The following DOCK11 variants were observed in gnomAD, a reference collection of about 807,000 sequenced individuals.
The protein encoded by DOCK11 is dedicator of cytokinesis 11, also known as dedicator of cytokinesis protein 11.
DOCK11 carries 70 observed loss-of-function variants against 169.1 expected under a neutral mutation model. The ratio of observed to expected loss-of-function variants is 0.41; its 90% CI spans 0.34 to 0.51. DOCK11 has a LOEUF of 0.51. Ranked by LOEUF, DOCK11 falls within the 20% of genes least tolerant of loss-of-function variation. The pLI, the probability that DOCK11 is intolerant of heterozygous loss-of-function variation, is 0.10. For synonymous variants in DOCK11, 529 were observed against 541.3 expected, an observed-to-expected ratio of 0.98 and a Z score of 0.32; for missense variants, 1,166 against 1,538.8, an observed-to-expected ratio of 0.76 and a Z score of 4.05.
chrX:118,635,214 TC>T (rs2015357438), intron 35 of DOCK11, among the ~76,000 whole-genome samples: 1 of 111,993 alleles, frequency 8.9e-6, no homozygotes, highest in Non-Finnish European at 1.9e-5. Context: ...TGTCTTGTCT[TC>T]CATCTTTATC....
chrX:118,619,290 A>G (rs1412500168), intron 31 of DOCK11, among the ~76,000 whole-genome samples: 2 of 105,479 alleles, frequency 1.9e-5, no homozygotes, highest in Non-Finnish European at 3.9e-5. Context: ...CCTGGGCAAC[A>G]TGGTGAAACC....
chrX:118,635,211 T>C (rs1023748045), intron 35 of DOCK11, among the ~76,000 whole-genome samples: 8 of 112,101 alleles, frequency 7.1e-5, no homozygotes, highest in Non-Finnish European at 1.3e-4. Context: ...CATTGTCTTG[T>C]CTTCCATCTT....
chrX:118,632,175 G>T lies in DOCK11; in HGVS notation c.3886+1685G>T, dbSNP rs966405976. On this transcript the variant is annotated intron_variant, in intron 35 of 52. Coordinates refer to ENST00000276202, the MANE Select transcript of DOCK11 (RefSeq NM_144658.4). ...TCACGGTGTTAGCCAGGATGGTCTCGATCTCCTGACCTCGTGATCCGCCCA... is the reference window on the plus strand; with the variant it reads ...TCACGGTGTTAGCCAGGATGGTCTCTATCTCCTGACCTCGTGATCCGCCCA... Among the ~76,000 whole-genome samples the T allele has an allele frequency of 4.5e-5, 5 of 111,017 alleles. No homozygotes were observed. The South Asian group carries it at 1.5e-3, about 34-fold the overall frequency.
At chrX:118,584,618 C>T (rs767512069) in intron 14 of DOCK11, 117 bp from the exon 15 acceptor site, 119 of 648,004 alleles carry the variant, frequency 1.8e-4, no homozygotes, top group Non-Finnish European at 2.6e-4. Flanking sequence ...AATGAGAAAC[C>T]GCCAAACTGT....
At chrX:118,635,529 A>G (rs2015365031) in intron 35 of DOCK11, among the ~76,000 whole-genome samples, 1 of 112,508 alleles carries the variant, frequency 8.9e-6, no homozygotes, top group Non-Finnish European at 1.9e-5. Context: ...TTATAATGCA[A>G]AGGCAGAGAG....
At chrX:118,579,288 T>C (rs1241286555) in intron 13 of DOCK11, among the ~76,000 whole-genome samples, 2 of 111,898 alleles carry the variant, frequency 1.8e-5, no homozygotes, top group Admixed American at 9.5e-5. Flanking sequence ...ATTGTGAAAT[T>C]GTGAAATTCA....
rs947672259 is a variant in DOCK11, at chrX:118,638,264, A to G, written c.4001+137A>G. 2.1e-5 allele frequency: 12 copies of G among 559,322 alleles called. No individual in the cohort carries two copies. In the East Asian group the frequency reaches 3.2e-4, roughly 15 times the overall value. 46.1% of individuals were successfully genotyped at this position (559,322 alleles called of 1,213,427 possible). A position where few individuals can be genotyped will look rare whatever the true frequency, so the allele number is the denominator to read the frequency against. ...CCGGTGATTTAGTTAACATGTCCCA[A>G]TTGAAAGTTTAAACGAATGGGAACT... is the stretch of plus-strand genomic sequence containing the variant. On this transcript the variant is annotated intron_variant, in intron 37 of 52. Transcript: ENST00000276202.
intron 22 of DOCK11, 63 bp downstream of exon 22, chrX:118,598,179 C>T: frequency 3.6e-6 from 3 of 836,928 alleles, no homozygotes; most frequent in African/African-American, 2.0e-5. Flanking sequence ...TAAAATAGAC[C>T]ACATTTGATT....
intron 35 of DOCK11, among the ~76,000 whole-genome samples, chrX:118,631,164 A>G (rs2015231359): frequency 9.1e-6 from 1 of 109,862 alleles, no homozygotes; most frequent in African/African-American, 3.3e-5. Flanking sequence ...TCCTTTTCGC[A>G]ATACTTTTGC....
In DOCK11 at chrX:118,545,271, CTT is replaced by C. The variant is rs55694052; in HGVS notation, c.393-42_393-41del. 4.8e-3 allele frequency: 3,425 copies of C among 708,576 alleles called. 1 individual carries two copies. The highest frequency in any genetic ancestry group is 5.3e-3 in the Non-Finnish European group (2,707 of 509,047). The allele number at this position is 708,576 out of a possible 1,213,427, so 58.4% of individuals were successfully genotyped here. On this transcript the variant is annotated intron_variant, in intron 4 of 52. Transcript: ENST00000276202. ...ATTGTTGTGTTTTTGTGTTGTTTTT[CTT>C]TTTTTTTTTGGTCTTTTTAGTGTCT...
intron 45 of DOCK11, among the ~76,000 whole-genome samples, chrX:118,669,298 G>A (rs2016411297): frequency 8.9e-6 from 1 of 112,066 alleles, no homozygotes; most frequent in Non-Finnish European, 1.9e-5. Flanking sequence ...ACTCATTAGA[G>A]AATGAGTAAA....
At chrX:118,514,240 C>A (rs1380233840) in intron 1 of DOCK11, among the ~76,000 whole-genome samples, 4 of 109,937 alleles carry the variant, frequency 3.6e-5, no homozygotes, top group South Asian at 3.9e-4. Flanking sequence ...AGGCCCCCCC[C>A]ATCAATGCTG....
At chrX:118,621,982 C>G (rs1397521560) in intron 31 of DOCK11, among the ~76,000 whole-genome samples, 2 of 111,520 alleles carry the variant, frequency 1.8e-5, no homozygotes, top group Admixed American at 1.9e-4. Flanking sequence ...CTTTTCAGAA[C>G]AAGAATGTTC....
chrX:118,643,335 T>A, intron 39 of DOCK11, 122 bp from the exon 40 acceptor site: 1 of 705,895 alleles, frequency 1.4e-6, no homozygotes. Context: ...TATTTTGAAA[T>A]TATATGCAAG....
chrX:118,679,631 C>T (rs12832998), intron 48 of DOCK11, among the ~76,000 whole-genome samples: 14,780 of 110,164 alleles, frequency 0.13, 836 homozygotes, highest in Admixed American at 0.25. Flanking sequence ...CCCAGCTACA[C>T]GGGAAGCTGA....
chrX:118,671,610 T>C (rs2016473748), intron 46 of DOCK11, among the ~76,000 whole-genome samples: 1 of 112,315 alleles, frequency 8.9e-6, no homozygotes, highest in South Asian at 3.7e-4. Context: ...TCATTTATGT[T>C]TTCCAAATGA....
At chrX:118,565,085 G>A (rs959056532) in intron 7 of DOCK11, among the ~76,000 whole-genome samples, 8 of 101,593 alleles carry the variant, frequency 7.9e-5, no homozygotes, top group Non-Finnish European at 1.4e-4. Context: ...ACAGCCATGC[G>A]CCATCACGCC....
intron 1 of DOCK11, among the ~76,000 whole-genome samples, chrX:118,514,600 A>T (rs1450319068): frequency 8.9e-6 from 1 of 111,740 alleles, no homozygotes. Context: ...AGTAAGGACC[A>T]TCCCACCTTT....
chrX:118,536,215 C>CT (rs1357373447), intron 1 of DOCK11, among the ~76,000 whole-genome samples: 7 of 110,328 alleles, frequency 6.3e-5, no homozygotes, highest in Admixed American at 5.8e-4. Flanking sequence ...GGAGGATTGC[C>CT]TGAGCCCAGG....
Sources: gnomAD v4.1 joint callset for allele counts (sites outside exome capture counted in the v4.1 genomes callset) on GRCh38, gnomAD v4.1.1 for gene constraint, MANE v1.5 for transcripts, NCBI Gene and HGNC (gene_info 2026-07-23, HGNC 2026-07-21) for gene names.